Variants in LPIN1 observed in about 807,000 individuals in gnomAD.
LPIN1 encodes the protein phosphatidate phosphatase LPIN1.
In LPIN1, 71 loss-of-function variants were observed where a neutral mutation model predicts 107.5. The observed-to-expected ratio is 0.66, with a 90% CI of 0.55 to 0.80. LPIN1 has a LOEUF of 0.80. Among genes scored for constraint, LPIN1 ranks in the 30% least tolerant of loss-of-function variants. The pLI is 0.00. For missense variants in LPIN1, 1,043 were observed against 1,160.6 expected (o/e 0.90, Z 1.47); for synonymous variants, 445 against 452.6 (o/e 0.98, Z 0.21).
intron 1 of LPIN1, among the ~76,000 whole-genome samples, chr2:11,686,247 T>C (rs1463949003): frequency 2.0e-5 from 3 of 152,028 alleles, no homozygotes; most frequent in Non-Finnish European, 4.4e-5. Flanking sequence ...GTGCTGAGGA[T>C]CCCCGACCCC....
chr2:11,733,851 G>A (rs59085046), intron 1 of LPIN1, among the ~76,000 whole-genome samples: 35,325 of 152,102 alleles, frequency 0.23, 5,732 homozygotes, highest in African/African-American at 0.46. Flanking sequence ...CCGCAGAGCA[G>A]CACATTGTGA....
In LPIN1 at chr2:11,697,406, G is replaced by T. The variant is rs917679915; in HGVS notation, c.82-16350G>T. On this transcript the variant is annotated intron_variant, in intron 1 of 21. Coordinates refer to the LPIN1 transcript ENST00000449576. This position sits in a 1 kb window ranked among gnomAD's most constrained non-coding sequence, Gnocchi z 4.6. ...GCCAGTGCAGGAGGAACAGGAAGCA[G>T]CCCCCGTGGGCCACTGTGGGGCTGC... 5.9e-5 allele frequency among the ~76,000 whole-genome samples: 9 copies of T among 152,246 alleles called. No homozygotes were observed. The highest frequency in any genetic ancestry group is 2.2e-4 in the African/African-American group (9 of 41,468).
rs1679401897 is a variant in LPIN1 at position 11,810,146 on chromosome 2, C to CGAGA, written c.2250-4942_2250-4941insGAGA. Among the ~76,000 whole-genome samples, 3 of 152,282 alleles carry CGAGA rather than the reference C, an allele frequency of 2.0e-5. No individual in the cohort carries two copies. The South Asian group carries it at 6.2e-4, about 32-fold the overall frequency. ...CGTCGGGGGTGCTGAGCAGTCTCTC[C>CGAGA]CTTCAAGAAGCTTGTGGTCTTGTGG... is the stretch of plus-strand genomic sequence containing the variant. On this transcript the variant is annotated intron_variant, in intron 17 of 20. Coordinates refer to ENST00000674199, the MANE Select transcript of LPIN1 (RefSeq NM_001349206.2).
chr2:11,771,902 G>C lies in LPIN1; in HGVS notation c.596+223G>C, dbSNP rs1400361146. 6.6e-6 allele frequency among the ~76,000 whole-genome samples: 1 copy of C among 152,126 alleles called. No homozygotes were observed. The highest frequency in any genetic ancestry group is 1.5e-5 in the Non-Finnish European group (1 of 68,022). ...GACTCAAGCATATTACATTTATTGT[G>C]CTCTTTATTTCCATTACTATTACAT... On this transcript the variant is annotated intron_variant, in intron 4 of 20. Coordinates refer to ENST00000674199, the MANE Select transcript of LPIN1 (RefSeq NM_001349206.2). The surrounding 1 kb of genome is among the most constrained non-coding windows in gnomAD (Gnocchi z 4.8).
At chr2:11,714,684 T>C (rs10929767) in intron 2 of LPIN1, among the ~76,000 whole-genome samples, 82,080 of 151,388 alleles carry the variant, frequency 0.54, 23,145 homozygotes, top group South Asian at 0.64. Flanking sequence ...GATAGGGAGG[T>C]TCCAGAGGGG....
Position 11,698,583 on chromosome 2 carries a change from G to C in LPIN1, c.82-15173G>C, listed in dbSNP as rs567929741. ...TAAAAGCTGGTCTTCTAGATTGCCCGACACCATGCCTCTGAACACGGAGTG... is the reference window on the plus strand; with the variant it reads ...TAAAAGCTGGTCTTCTAGATTGCCCCACACCATGCCTCTGAACACGGAGTG... On this transcript the variant is annotated intron_variant, in intron 1 of 21. Transcript: ENST00000449576. Among the ~76,000 whole-genome samples, 5 of 152,316 alleles carry C rather than the reference G, an allele frequency of 3.3e-5. No homozygotes were observed. In the South Asian group the frequency reaches 1.0e-3, roughly 32 times the overall value.
chr2:11,808,562 A>C (rs984208879), intron 17 of LPIN1, among the ~76,000 whole-genome samples: 1 of 152,130 alleles, frequency 6.6e-6, no homozygotes, highest in Non-Finnish European at 1.5e-5. Context: ...TATGCACTGT[A>C]GTATTTGTCT....
chr2:11,773,108 T>C (rs1313883276), intron 4 of LPIN1, among the ~76,000 whole-genome samples: 2 of 152,242 alleles, frequency 1.3e-5, no homozygotes, highest in African/African-American at 4.8e-5. Flanking sequence ...TGAGTGTGCT[T>C]ATACCTGAAA....
intron 6 of LPIN1, chr2:11,777,275 C>A (rs1161822967): frequency 6.6e-6 from 1 of 152,120 alleles, no homozygotes; most frequent in Non-Finnish European, 1.5e-5. Context: ...TGCACGAGAC[C>A]TTTGGAGAAG....
At chr2:11,684,066 A>C (rs1649549833) in intron 1 of LPIN1, among the ~76,000 whole-genome samples, 1 of 152,252 alleles carries the variant, frequency 6.6e-6, no homozygotes, top group Non-Finnish European at 1.5e-5. Context: ...TTTAGTGAAA[A>C]TTCAGTGTGA....
At chr2:11,748,239 T>C (rs531031400) in intron 1 of LPIN1, among the ~76,000 whole-genome samples, 5 of 152,250 alleles carry the variant, frequency 3.3e-5, no homozygotes, top group African/African-American at 1.2e-4. Flanking sequence ...GCTCTTTGCG[T>C]GGTCAGCTGC....
chr2:11,787,657 A>G (rs952283471), intron 11 of LPIN1, among the ~76,000 whole-genome samples: 1 of 151,732 alleles, frequency 6.6e-6, no homozygotes, highest in African/African-American at 2.4e-5. Context: ...AAACTTCATT[A>G]TCGGCTGGGC....
chr2:11,778,963 C>T (rs1673103146), intron 6 of LPIN1, among the ~76,000 whole-genome samples: 1 of 152,218 alleles, frequency 6.6e-6, no homozygotes, highest in Non-Finnish European at 1.5e-5. Flanking sequence ...CTTGTAGGCT[C>T]CTGCCCAACG....
intron 12 of LPIN1, among the ~76,000 whole-genome samples, chr2:11,791,154 A>C (rs1352345319): frequency 6.6e-6 from 1 of 152,150 alleles, no homozygotes; most frequent in Non-Finnish European, 1.5e-5. Flanking sequence ...ATAGTAAATT[A>C]CTTATCTGTC....
intron 13 of LPIN1, among the ~76,000 whole-genome samples, chr2:11,793,105 G>A (rs560159551): frequency 3.5e-4 from 54 of 152,256 alleles, no homozygotes; most frequent in African/African-American, 1.3e-3. Context: ...ATGCCTCAAC[G>A]TATTTCAAAC....
intron 6 of LPIN1, chr2:11,777,241 C>T (rs1000502503): frequency 1.3e-5 from 2 of 152,106 alleles, no homozygotes; most frequent in African/African-American, 2.4e-5. Context: ...CAGTGACGGT[C>T]GGCAGAAAGC....
At chr2:11,718,792 GTTTTTCATTCATCTGCTCAGAACT>G (rs1181262359) in intron 2 of LPIN1, among the ~76,000 whole-genome samples, 1 of 152,130 alleles carries the variant, frequency 6.6e-6, no homozygotes, top group African/African-American at 2.4e-5. Flanking sequence ...TGAGGTAGCC[GTTTTTCATTCATCTGCTCAGAACT>G]TAGTCTCTTG....
At chr2:11,740,730 G>C (rs187623549) in intron 1 of LPIN1, among the ~76,000 whole-genome samples, 14,098 of 123,812 alleles carry the variant, frequency 0.11, 1,082 homozygotes, top group African/African-American at 0.23. Context: ...AGAAAAGAAA[G>C]AAAGAAAGAA....
intron 1 of LPIN1, among the ~76,000 whole-genome samples, chr2:11,692,327 ACTGG>A (rs1230657762): frequency 6.6e-6 from 1 of 151,610 alleles, no homozygotes; most frequent in Non-Finnish European, 1.5e-5. Flanking sequence ...CTTGGCACAT[ACTGG>A]CTGTGTGGCT....
Sources: gnomAD v4.1 joint callset for allele counts (sites outside exome capture counted in the v4.1 genomes callset) on GRCh38, gnomAD v4.1.1 for gene constraint, Gnocchi (gnomAD v3.1) non-coding constraint, MANE v1.5 for transcripts, NCBI Gene and HGNC (gene_info 2026-07-23, HGNC 2026-07-21) for gene names.